Variants in TMEM131L observed in about 807,000 individuals in gnomAD.
TMEM131L encodes transmembrane protein 131-like.
A neutral mutation model predicts 192.2 loss-of-function variants in TMEM131L; 54 were observed. That is an observed-to-expected ratio of 0.28 (90% CI 0.23 to 0.35). The LOEUF is 0.35. Ranked by LOEUF, TMEM131L falls within the 10% of genes least tolerant of loss-of-function variation. The pLI is 1.00. For synonymous variants in TMEM131L, 701 were observed against 704.9 expected (o/e 0.99, Z 0.09); for missense variants, 1,888 against 1,972.9 (o/e 0.96, Z 0.82).
At position 153,602,307 on chromosome 4, in the gene TMEM131L, G is replaced by A. The variant is rs1287810313; in HGVS notation, c.2422G>A (p.Asp808Asn). 6.2e-7 allele frequency: 1 copy of A among 1,613,458 alleles called. No homozygotes were observed. Among genetic ancestry groups the A allele is most frequent in the Admixed American group, 1.7e-5 (1 of 59,816 alleles). The change falls in exon 22 of 35, where the codon GAC becomes AAC. Residue 808 changes from aspartate (D) to asparagine (N), a missense_variant. By Grantham distance (23) the Asp-to-Asn change is conservative (BLOSUM62 1). Coordinates refer to ENST00000409959, the MANE Select transcript of TMEM131L (RefSeq NM_001131007.2). ...GCTGGATTGTCATCAGTTTTCCCTGGACCCAAACACATCCCGCGATATCAG... is the reference window on the plus strand; with the variant it reads ...GCTGGATTGTCATCAGTTTTCCCTGAACCCAAACACATCCCGCGATATCAG... ...EVLDCHQFSL[D>N]PNTSRDISIV...
chr4:153,505,876 G>T (rs1390166531), intron 3 of TMEM131L, among the ~76,000 whole-genome samples: 2 of 152,132 alleles, frequency 1.3e-5, no homozygotes, highest in African/African-American at 4.8e-5. Context: ...GTAAGAGTGT[G>T]CCCAGGGTGT....
intron 7 of TMEM131L, among the ~76,000 whole-genome samples, chr4:153,580,335 A>G (rs1730247389): frequency 1.3e-5 from 2 of 152,052 alleles, no homozygotes; most frequent in Non-Finnish European, 2.9e-5. Flanking sequence ...TGAATTTTGG[A>G]CATCTCTTTT....
At chr4:153,471,538 C>T (rs924478453) in intron 2 of TMEM131L, among the ~76,000 whole-genome samples, 10 of 152,160 alleles carry the variant, frequency 6.6e-5, no homozygotes, top group Admixed American at 6.5e-4. Context: ...TGGTTATTTC[C>T]TAGTATTGTT....
chr4:153,566,451 G>C (rs1729203431), intron 7 of TMEM131L, among the ~76,000 whole-genome samples: 1 of 151,990 alleles, frequency 6.6e-6, no homozygotes, highest in African/African-American at 2.4e-5. Context: ...TGGTTTTAAA[G>C]TTAGAGGAAA....
At chr4:153,494,702 A>C (rs900432429) in intron 3 of TMEM131L, among the ~76,000 whole-genome samples, 2 of 152,202 alleles carry the variant, frequency 1.3e-5, no homozygotes, top group Non-Finnish European at 2.9e-5. Flanking sequence ...TCACCTAAAC[A>C]ATAGGAAGTT....
At chr4:153,520,442 C>T (rs1280608113) in intron 3 of TMEM131L, among the ~76,000 whole-genome samples, 1 of 152,162 alleles carries the variant, frequency 6.6e-6, no homozygotes, top group East Asian at 1.9e-4. Flanking sequence ...GCTCTCCAGC[C>T]TGGGCAACAG....
intron 2 of TMEM131L, among the ~76,000 whole-genome samples, chr4:153,471,515 G>A (rs527760354): frequency 4.6e-5 from 7 of 152,236 alleles, no homozygotes; most frequent in African/African-American, 1.4e-4. Context: ...GGTAACAGGT[G>A]GAATGCCTTA....
chr4:153,606,597 G>A (rs1291803019), intron 25 of TMEM131L, among the ~76,000 whole-genome samples: 1 of 152,212 alleles, frequency 6.6e-6, no homozygotes, highest in Non-Finnish European at 1.5e-5. Context: ...ATAAGCGTGA[G>A]TAAATTTAAT....
At chr4:153,512,493 G>A (rs1734422649) in intron 3 of TMEM131L, among the ~76,000 whole-genome samples, 1 of 152,078 alleles carries the variant, frequency 6.6e-6, no homozygotes, top group Non-Finnish European at 1.5e-5. Flanking sequence ...TAACAGAAAA[G>A]AATACTTGCC....
chr4:153,568,638 A>G (rs1729385076), intron 7 of TMEM131L, among the ~76,000 whole-genome samples: 1 of 152,240 alleles, frequency 6.6e-6, no homozygotes, highest in Admixed American at 6.5e-5. Context: ...ATGATTGACA[A>G]CTGGATAAAT....
chr4:153,564,287 CAAAAAAAAAAA>C (rs1178320668), intron 7 of TMEM131L, among the ~76,000 whole-genome samples: 3 of 17,652 alleles, frequency 1.7e-4, no homozygotes, highest in African/African-American at 4.1e-4. Flanking sequence ...AACTCCGTCT[CAAAAAAAAAAA>C]AAAAAAAAAA....
intron 3 of TMEM131L, among the ~76,000 whole-genome samples, chr4:153,526,003 C>T (rs764804017): frequency 5.3e-4 from 80 of 152,070 alleles, no homozygotes; most frequent in Non-Finnish European, 8.7e-4. Flanking sequence ...ACTACAGGCA[C>T]GCACTACTGC....
intron 3 of TMEM131L, among the ~76,000 whole-genome samples, chr4:153,475,228 C>G (rs1731445670): frequency 6.6e-6 from 1 of 152,178 alleles, no homozygotes; most frequent in South Asian, 2.1e-4. Context: ...TGGTGGTTTT[C>G]AGATCGTTCC....
At chr4:153,563,311 T>G (rs1041017993) in intron 7 of TMEM131L, among the ~76,000 whole-genome samples, 2 of 152,180 alleles carry the variant, frequency 1.3e-5, no homozygotes, top group African/African-American at 4.8e-5. Flanking sequence ...AAATGGCATT[T>G]AAAAGATCGT....
intron 3 of TMEM131L, among the ~76,000 whole-genome samples, chr4:153,475,531 A>G (rs985556603): frequency 6.6e-6 from 1 of 152,366 alleles, no homozygotes. Flanking sequence ...ATCTCATTAA[A>G]GGATGCATTT....
At chr4:153,586,521 T>C in intron 14 of TMEM131L, 142 bp downstream of exon 14, 1 of 514,744 alleles carries the variant, frequency 1.9e-6, no homozygotes, top group South Asian at 3.8e-5. Flanking sequence ...ACCAGGCCAG[T>C]CTTGGATGAT....
intron 4 of TMEM131L, among the ~76,000 whole-genome samples, chr4:153,551,971 G>A (rs930410307): frequency 3.9e-5 from 6 of 152,072 alleles, no homozygotes; most frequent in African/African-American, 1.2e-4. Context: ...CACTCTGGGA[G>A]CCCGGGCTGG....
chr4:153,600,145 T>G (rs1406250158), intron 21 of TMEM131L, among the ~76,000 whole-genome samples: 1 of 151,958 alleles, frequency 6.6e-6, no homozygotes, highest in African/African-American at 2.4e-5. Context: ...TGGAAAGATT[T>G]CTTGAGCTCA....
intron 3 of TMEM131L, among the ~76,000 whole-genome samples, chr4:153,545,853 C>G (rs1737134955): frequency 6.6e-6 from 1 of 152,090 alleles, no homozygotes; most frequent in African/African-American, 2.4e-5. Context: ...CTGCAGATGG[C>G]TCTTGCCTTT....
Sources: gnomAD v4.1 joint callset for allele counts (sites outside exome capture counted in the v4.1 genomes callset) on GRCh38, gnomAD v4.1.1 for gene constraint, MANE v1.5 for transcripts, NCBI Gene and HGNC (gene_info 2026-07-23, HGNC 2026-07-21) for gene names.